CAST: variants seen among roughly 807,000 people sequenced by gnomAD.
The protein encoded by CAST is calpastatin.
Under a neutral mutation model 119.6 loss-of-function variants are expected in CAST, and 76 were observed. That is an observed-to-expected ratio of 0.64 (90% CI 0.53 to 0.77). The LOEUF (loss-of-function observed/expected upper bound fraction) is 0.77, where lower values mean the gene tolerates loss of function less well. Among genes scored for constraint, CAST ranks in the 30% least tolerant of loss-of-function variants. The pLI, the probability that CAST is intolerant of heterozygous loss-of-function variation, is 0.00. For synonymous variants in CAST, 319 were observed against 331.6 expected, an observed-to-expected ratio of 0.96 and a Z score of 0.41; for missense variants, 953 against 946.5, an observed-to-expected ratio of 1.01 and a Z score of -0.09.
At chr5:96,400,146 A>G in the CAST span, 7 of 1,614,164 alleles carry the variant, frequency 4.3e-6, no homozygotes, top group Non-Finnish European at 5.9e-6. Context: ...TCAGAGGTCC[A>G]GACAACCAGG....
At chr5:96,261,688 T>C in the CAST span, among the ~76,000 whole-genome samples, 1 of 152,212 alleles carries the variant, frequency 6.6e-6, no homozygotes, top group African/African-American at 2.4e-5. Flanking sequence ...ACAAGGTATG[T>C]AATAGCTATA....
chr5:95,973,018 T>C, the CAST span: 2 of 152,400 alleles, frequency 1.3e-5, no homozygotes, highest in East Asian at 3.9e-4. Flanking sequence ...AGCTAATTAC[T>C]TTCCAAAGTG....
chr5:96,346,242 A>G, the CAST span, among the ~76,000 whole-genome samples: 4 of 152,330 alleles, frequency 2.6e-5, no homozygotes, highest in East Asian at 7.7e-4. Context: ...TCCTGAGTAG[A>G]TGGCAGTACT....
the CAST span, among the ~76,000 whole-genome samples, chr5:96,272,790 T>C: frequency 6.6e-6 from 1 of 152,168 alleles, no homozygotes; most frequent in African/African-American, 2.4e-5. Context: ...GTTAAGGTGA[T>C]GGATATTCCA....
the CAST span, among the ~76,000 whole-genome samples, chr5:96,094,082 A>G: frequency 3.9e-5 from 6 of 152,190 alleles, no homozygotes; most frequent in African/African-American, 1.4e-4. Context: ...ACTTGCACCT[A>G]CTGTCTGATT....
chr5:96,116,441 T>C, the CAST span, among the ~76,000 whole-genome samples: 1 of 152,168 alleles, frequency 6.6e-6, no homozygotes, highest in Non-Finnish European at 1.5e-5. Flanking sequence ...TGGAAATATG[T>C]TTTCATTTCT....
At chr5:96,457,910 A>T in the CAST span, among the ~76,000 whole-genome samples, 2 of 152,188 alleles carry the variant, frequency 1.3e-5, no homozygotes, top group East Asian at 3.8e-4. Context: ...TTTAAAACTT[A>T]ACTCATTTCA....
chr5:96,157,629 G>C, the CAST span, among the ~76,000 whole-genome samples: 2 of 152,168 alleles, frequency 1.3e-5, no homozygotes, highest in African/African-American at 2.4e-5. Flanking sequence ...GTTAGCAACG[G>C]AATTATTCAT....
the CAST span, among the ~76,000 whole-genome samples, chr5:96,074,468 A>G: frequency 6.6e-6 from 1 of 152,198 alleles, no homozygotes; most frequent in Non-Finnish European, 1.5e-5. Context: ...GAAGGTGGCC[A>G]CTACAAGCTG....
the CAST span, among the ~76,000 whole-genome samples, chr5:96,460,107 GC>G: frequency 6.6e-6 from 1 of 152,132 alleles, no homozygotes; most frequent in Non-Finnish European, 1.5e-5. Flanking sequence ...TAGCCCTGAC[GC>G]CACTGAAGTA....
At chr5:96,116,836 C>T in the CAST span, among the ~76,000 whole-genome samples, 2 of 152,178 alleles carry the variant, frequency 1.3e-5, no homozygotes, top group African/African-American at 4.8e-5. Flanking sequence ...TGGATTCAAG[C>T]TCTTTGTCAA....
chr5:96,431,838 T>G, the CAST span, among the ~76,000 whole-genome samples: 1 of 151,868 alleles, frequency 6.6e-6, no homozygotes, highest in South Asian at 2.1e-4. Flanking sequence ...TACAACTGCC[T>G]CCTCCCACGC....
chr5:96,358,047 G>A, the CAST span, among the ~76,000 whole-genome samples: 1 of 152,100 alleles, frequency 6.6e-6, no homozygotes, highest in Non-Finnish European at 1.5e-5. Flanking sequence ...CTTCTCCTTG[G>A]TTTAGTCTTG....
intron 1 of CAST, among the ~76,000 whole-genome samples, chr5:96,647,671 A>T (rs1748033080): frequency 6.6e-6 from 1 of 152,148 alleles, no homozygotes; most frequent in African/African-American, 2.4e-5. Flanking sequence ...ATAAATAAAT[A>T]AATAAACTAA....
At chr5:96,393,853 A>G in the CAST span, among the ~76,000 whole-genome samples, 1 of 152,150 alleles carries the variant, frequency 6.6e-6, no homozygotes, top group South Asian at 2.1e-4. Context: ...GAGCTGTAAG[A>G]AGTGGTCAGG....
chr5:96,598,748 C>T (rs1561426517), intron 1 of CAST, among the ~76,000 whole-genome samples: 1 of 152,142 alleles, frequency 6.6e-6, no homozygotes, highest in Non-Finnish European at 1.5e-5. Flanking sequence ...AATCAGTAGA[C>T]GGAGTAAAGC....
chr5:96,695,253 T>A (rs975764770), intron 2 of CAST, among the ~76,000 whole-genome samples: 1 of 152,212 alleles, frequency 6.6e-6, no homozygotes, highest in Non-Finnish European at 1.5e-5. Flanking sequence ...AGAATAACGT[T>A]CTGAGAGGCT....
chr5:96,289,844 C>T, the CAST span, among the ~76,000 whole-genome samples: 66,135 of 151,726 alleles, frequency 0.44, 14,980 homozygotes, highest in Admixed American at 0.55. Flanking sequence ...GCCTCAGTAG[C>T]GTTTGTCTTA....
chr5:96,578,273 ATC>A (rs1388627172), intron 1 of CAST, among the ~76,000 whole-genome samples: 5 of 146,350 alleles, frequency 3.4e-5, no homozygotes, highest in Non-Finnish European at 6.1e-5. Flanking sequence ...TTGCATGATA[ATC>A]TTTTTCCATT....
Sources: gnomAD v4.1 joint callset for allele counts (sites outside exome capture counted in the v4.1 genomes callset) on GRCh38, gnomAD v4.1.1 for gene constraint, MANE v1.5 for transcripts, NCBI Gene and HGNC (gene_info 2026-07-23, HGNC 2026-07-21) for gene names.